The following ZMAT4 variants were observed in gnomAD, a reference collection of about 807,000 sequenced individuals.
The protein encoded by ZMAT4 is zinc finger matrin-type 4.
A neutral mutation model predicts 28.7 loss-of-function variants in ZMAT4; 17 were observed. The observed-to-expected ratio is 0.59, with a 90% CI of 0.41 to 0.89. The LOEUF is 0.89. Among genes scored for constraint, ZMAT4 ranks in the 40% least tolerant of loss-of-function variants. The pLI is 0.00. For missense variants in ZMAT4, 240 were observed against 283.8 expected, an observed-to-expected ratio of 0.85 and a Z score of 1.11; for synonymous variants, 117 against 109.2, an observed-to-expected ratio of 1.07 and a Z score of -0.44.
chr8:40,893,094 G>A (rs1277821364), intron 1 of ZMAT4, among the ~76,000 whole-genome samples: 1 of 152,210 alleles, frequency 6.6e-6, no homozygotes, highest in Non-Finnish European at 1.5e-5. Context: ...TGCTGGAGAT[G>A]GAGAACAGCT....
chr8:40,767,313 G>C (rs970867805), intron 3 of ZMAT4, among the ~76,000 whole-genome samples: 1 of 152,094 alleles, frequency 6.6e-6, no homozygotes, highest in Admixed American at 6.5e-5. Flanking sequence ...TTGCCCCTGA[G>C]GTCCTGTCTT....
At chr8:40,860,238 C>T (rs1466808390) in intron 1 of ZMAT4, among the ~76,000 whole-genome samples, 4 of 152,058 alleles carry the variant, frequency 2.6e-5, no homozygotes, top group African/African-American at 9.7e-5. Context: ...GCTTTTACAG[C>T]CTGAGGGGAG....
At chr8:40,565,340 T>C (rs1803882041) in intron 6 of ZMAT4, among the ~76,000 whole-genome samples, 1 of 151,422 alleles carries the variant, frequency 6.6e-6, no homozygotes, top group Non-Finnish European at 1.5e-5. Context: ...TATCAACTCA[T>C]TCAACACAAC....
At chr8:40,716,751 C>A (rs1190261232) in intron 3 of ZMAT4, among the ~76,000 whole-genome samples, 1 of 152,176 alleles carries the variant, frequency 6.6e-6, no homozygotes, top group Non-Finnish European at 1.5e-5. Flanking sequence ...GTCTCGCCCT[C>A]TAGCAGGAGA....
intron 3 of ZMAT4, among the ~76,000 whole-genome samples, chr8:40,738,208 A>C (rs1300339704): frequency 1.3e-5 from 2 of 152,172 alleles, no homozygotes; most frequent in Admixed American, 1.3e-4. Flanking sequence ...ATAAGAGTCG[A>C]ACTGGGGAGT....
chr8:40,654,206 A>T (rs1188809634), intron 5 of ZMAT4, among the ~76,000 whole-genome samples: 1 of 152,162 alleles, frequency 6.6e-6, no homozygotes, highest in African/African-American at 2.4e-5. Context: ...TCTCTAGCCC[A>T]GAGACTCCCT....
intron 5 of ZMAT4, among the ~76,000 whole-genome samples, chr8:40,584,074 G>A (rs1321028918): frequency 6.6e-6 from 1 of 152,114 alleles, no homozygotes; most frequent in Non-Finnish European, 1.5e-5. Context: ...AAGAAAATGG[G>A]AGGCAGGTTT....
At chr8:40,603,062 G>T (rs575805743) in intron 5 of ZMAT4, among the ~76,000 whole-genome samples, 1 of 152,198 alleles carries the variant, frequency 6.6e-6, no homozygotes, top group South Asian at 2.1e-4. Flanking sequence ...TTAAGTCTTT[G>T]ATCCATCTTG....
intron 6 of ZMAT4, among the ~76,000 whole-genome samples, chr8:40,575,425 C>T (rs548767403): frequency 2.0e-5 from 3 of 152,190 alleles, no homozygotes; most frequent in African/African-American, 2.4e-5. Flanking sequence ...AGCCAGCTGA[C>T]CCACCAAGTG....
At chr8:40,761,256 C>G (rs1333244872) in intron 3 of ZMAT4, among the ~76,000 whole-genome samples, 1 of 152,064 alleles carries the variant, frequency 6.6e-6, no homozygotes, top group Non-Finnish European at 1.5e-5. Flanking sequence ...GGACTTGATT[C>G]CTTATTTTGA....
rs575718744 is a variant in ZMAT4 at position 40,605,104 on chromosome 8, C to T, written c.578-23843G>A. On this transcript the variant is annotated intron_variant, in intron 5 of 6. Transcript: ENST00000297737. Reference sequence around the variant, plus strand: ...TTGGTTAATCTCACTAATGCTTTATCAATTTTGTCTTTTCAAACAACCAGC... The same window carrying T: ...TTGGTTAATCTCACTAATGCTTTATTAATTTTGTCTTTTCAAACAACCAGC... Among the ~76,000 whole-genome samples the T allele has an allele frequency of 1.9e-3, 293 of 152,178 alleles. 2 individuals carry two copies. The highest frequency in any genetic ancestry group is 4.6e-3 in the Admixed American group (70 of 15,280).
chr8:40,714,712 A>G (rs889897290), intron 3 of ZMAT4, among the ~76,000 whole-genome samples: 6 of 152,232 alleles, frequency 3.9e-5, no homozygotes, highest in African/African-American at 1.4e-4. Context: ...TTAGTTAGTC[A>G]TGCTTTCTAA....
chr8:40,886,886 T>C (rs1462060582), intron 1 of ZMAT4, among the ~76,000 whole-genome samples: 1 of 152,156 alleles, frequency 6.6e-6, no homozygotes, highest in Admixed American at 6.5e-5. Context: ...AAGCCCAGTT[T>C]TGAGGTAGGG....
intron 6 of ZMAT4, among the ~76,000 whole-genome samples, chr8:40,554,424 G>A (rs1043818974): frequency 6.6e-6 from 1 of 151,828 alleles, no homozygotes; most frequent in Non-Finnish European, 1.5e-5. Flanking sequence ...CTAAGTACTG[G>A]GAATACACTG....
At chr8:40,573,696 A>C (rs553069192) in intron 6 of ZMAT4, among the ~76,000 whole-genome samples, 29 of 152,340 alleles carry the variant, frequency 1.9e-4, no homozygotes, top group Admixed American at 1.8e-3. Flanking sequence ...GGCTATCTGG[A>C]AATCTGTTTT....
intron 3 of ZMAT4, among the ~76,000 whole-genome samples, chr8:40,704,175 T>C (rs1334005020): frequency 1.3e-5 from 2 of 152,248 alleles, no homozygotes; most frequent in Non-Finnish European, 2.9e-5. Context: ...ATTTCCAGTG[T>C]TATGCATGTT....
intron 3 of ZMAT4, among the ~76,000 whole-genome samples, chr8:40,724,523 A>G (rs1811241428): frequency 6.6e-6 from 1 of 152,234 alleles, no homozygotes; most frequent in East Asian, 1.9e-4. Context: ...ACAGATATGT[A>G]TTGATCATCT....
At chr8:40,820,808 T>G (rs1211199725) in intron 2 of ZMAT4, among the ~76,000 whole-genome samples, 1 of 596 alleles carries the variant, frequency 1.7e-3, no homozygotes, top group Admixed American at 0.013. Flanking sequence ...TATATATGTG[T>G]GGGTGTGTGT....
At chr8:40,743,571 T>C (rs1045858877) in intron 3 of ZMAT4, among the ~76,000 whole-genome samples, 9 of 152,224 alleles carry the variant, frequency 5.9e-5, no homozygotes, top group Non-Finnish European at 1.3e-4. Context: ...GCACAAGGAC[T>C]TGAAGCATGA....
Sources: allele counts gnomAD v4.1 joint callset (sites outside exome capture counted in the v4.1 genomes callset), GRCh38; gene constraint gnomAD v4.1.1; transcripts MANE v1.5; gene names NCBI Gene and HGNC (gene_info 2026-07-23, HGNC 2026-07-21).